Variants in PCDH9 observed in about 807,000 individuals in gnomAD.
The protein encoded by PCDH9 is protocadherin 9.
A neutral mutation model predicts 70.6 loss-of-function variants in PCDH9; 24 were observed. The ratio of observed to expected loss-of-function variants is 0.34; its 90% CI spans 0.25 to 0.48. PCDH9 has a LOEUF of 0.48. Among genes scored for constraint, PCDH9 ranks in the 20% least tolerant of loss-of-function variants. PCDH9 has a pLI of 0.99. For missense variants in PCDH9, 1,281 were observed against 1,503.6 expected, an observed-to-expected ratio of 0.85 and a Z score of 2.45; for synonymous variants, 562 against 558.5, an observed-to-expected ratio of 1.01 and a Z score of -0.09.
At chr13:67,091,293 CTA>C (rs1345578918) in intron 2 of PCDH9, among the ~76,000 whole-genome samples, 4 of 151,920 alleles carry the variant, frequency 2.6e-5, no homozygotes, top group Admixed American at 2.6e-4. Flanking sequence ...AAAATAAAAT[CTA>C]TGTTTTATCT....
intron 2 of PCDH9, among the ~76,000 whole-genome samples, chr13:67,096,511 C>T (rs541338880): frequency 2.2e-4 from 33 of 152,226 alleles, no homozygotes; most frequent in Non-Finnish European, 3.5e-4. Context: ...AGCAACACAA[C>T]AAAAATCTTC....
intron 2 of PCDH9, among the ~76,000 whole-genome samples, chr13:67,072,753 C>T (rs1032016953): frequency 2.6e-5 from 4 of 151,814 alleles, no homozygotes; most frequent in East Asian, 1.9e-4. Flanking sequence ...GGAGGCATTA[C>T]GGTAAATATT....
chr13:67,056,820 T>C (rs2138113154), intron 2 of PCDH9, among the ~76,000 whole-genome samples: 1 of 152,182 alleles, frequency 6.6e-6, no homozygotes, highest in South Asian at 2.1e-4. Flanking sequence ...ATCATCCTGA[T>C]CATCATCATC....
intron 3 of PCDH9, among the ~76,000 whole-genome samples, chr13:66,744,847 TACTG>T (rs1167393343): frequency 3.3e-5 from 5 of 152,296 alleles, no homozygotes; most frequent in African/African-American, 7.2e-5. Context: ...TTCTGGCATT[TACTG>T]ACTATTTCCT....
intron 2 of PCDH9, among the ~76,000 whole-genome samples, chr13:66,949,870 A>G (rs1050431850): frequency 6.6e-6 from 1 of 152,140 alleles, no homozygotes; most frequent in Non-Finnish European, 1.5e-5. Context: ...AATATATAAA[A>G]GAAAGAAAAC....
intron 3 of PCDH9, among the ~76,000 whole-genome samples, chr13:66,816,151 T>C (rs1594097401): frequency 6.6e-6 from 1 of 152,310 alleles, no homozygotes; most frequent in Admixed American, 6.5e-5. Context: ...AACAAAGCAA[T>C]TCTAAGCAAT....
At chr13:67,036,478 C>T (rs2085011714) in intron 2 of PCDH9, among the ~76,000 whole-genome samples, 1 of 152,154 alleles carries the variant, frequency 6.6e-6, no homozygotes, top group South Asian at 2.1e-4. Flanking sequence ...CCAGGAGAAA[C>T]ATAAAAATCA....
At chr13:67,077,972 A>G (rs1008154608) in intron 2 of PCDH9, among the ~76,000 whole-genome samples, 1 of 152,174 alleles carries the variant, frequency 6.6e-6, no homozygotes, top group East Asian at 1.9e-4. Flanking sequence ...TGAAGTACAC[A>G]TTCCTAATCA....
At chr13:66,801,493 T>C (rs2080326176) in intron 3 of PCDH9, among the ~76,000 whole-genome samples, 1 of 152,112 alleles carries the variant, frequency 6.6e-6, no homozygotes, top group Non-Finnish European at 1.5e-5. Flanking sequence ...GCTGCAGGCA[T>C]TGTGCAAATT....
At chr13:66,313,852 A>G (rs1369100789) in intron 4 of PCDH9, among the ~76,000 whole-genome samples, 1 of 152,174 alleles carries the variant, frequency 6.6e-6, no homozygotes, top group Non-Finnish European at 1.5e-5. Context: ...TAAATGGGGG[A>G]AAATACTTTG....
intron 3 of PCDH9, among the ~76,000 whole-genome samples, chr13:66,735,078 T>C (rs2079128089): frequency 6.6e-6 from 1 of 152,180 alleles, no homozygotes. Flanking sequence ...TGGGTGCTGT[T>C]CATAACCTCA....
At chr13:67,104,545 T>C (rs2086496582) in intron 2 of PCDH9, among the ~76,000 whole-genome samples, 4 of 152,166 alleles carry the variant, frequency 2.6e-5, no homozygotes, top group Admixed American at 2.6e-4. Flanking sequence ...TCATATCTTG[T>C]TATACAATTT....
intron 2 of PCDH9, among the ~76,000 whole-genome samples, chr13:67,198,601 C>T (rs1265655396): frequency 6.6e-6 from 1 of 151,850 alleles, no homozygotes; most frequent in Non-Finnish European, 1.5e-5. Flanking sequence ...CTTAACAAAA[C>T]ACACATACCA....
intron 3 of PCDH9, among the ~76,000 whole-genome samples, chr13:66,809,265 A>G (rs1244600986): frequency 6.6e-6 from 1 of 152,134 alleles, no homozygotes; most frequent in Non-Finnish European, 1.5e-5. Context: ...TACATTTTTA[A>G]TAGAAGAGTA....
At chr13:66,513,715 T>C (rs1959597950) in intron 4 of PCDH9, among the ~76,000 whole-genome samples, 1 of 151,404 alleles carries the variant, frequency 6.6e-6, no homozygotes. Context: ...TAACCTTTCT[T>C]AAGTAAAAAA....
intron 2 of PCDH9, among the ~76,000 whole-genome samples, chr13:66,967,811 T>G (rs1429002421): frequency 6.6e-6 from 1 of 152,086 alleles, no homozygotes; most frequent in East Asian, 1.9e-4. Flanking sequence ...GTGGCTTAGA[T>G]GGTCCTTCAT....
At chr13:66,959,985 C>G (rs2083320907) in intron 2 of PCDH9, among the ~76,000 whole-genome samples, 1 of 152,080 alleles carries the variant, frequency 6.6e-6, no homozygotes. Context: ...TCTAAAACAG[C>G]ATCTAACAAA....
intron 4 of PCDH9, among the ~76,000 whole-genome samples, chr13:66,391,433 C>CAGGTA (rs1163995344): frequency 2.0e-5 from 3 of 152,116 alleles, no homozygotes; most frequent in Non-Finnish European, 2.9e-5. Flanking sequence ...CTTCAGTGAA[C>CAGGTA]AGGTACATTT....
intron 2 of PCDH9, among the ~76,000 whole-genome samples, chr13:66,955,864 G>A (rs1202368499): frequency 5.9e-5 from 9 of 152,076 alleles, no homozygotes; most frequent in Admixed American, 5.2e-4. Flanking sequence ...GGTCAGGTGT[G>A]GTGGCTCACT....
Sources: gnomAD v4.1 joint callset for allele counts (sites outside exome capture counted in the v4.1 genomes callset) on GRCh38, gnomAD v4.1.1 for gene constraint, MANE v1.5 for transcripts, NCBI Gene and HGNC (gene_info 2026-07-23, HGNC 2026-07-21) for gene names.